The following ROBO2 variants were observed in gnomAD, a reference collection of about 807,000 sequenced individuals.
ROBO2 encodes the protein roundabout guidance receptor 2.
Under a neutral mutation model 160.8 loss-of-function variants are expected in ROBO2, and 53 were observed. The observed-to-expected ratio is 0.33, with a 90% CI of 0.26 to 0.41. ROBO2 has a LOEUF of 0.41. Among genes scored for constraint, ROBO2 ranks in the 10% least tolerant of loss-of-function variants. The pLI, the probability that ROBO2 is intolerant of heterozygous loss-of-function variation, is 1.00. For missense variants in ROBO2, 1,577 were observed against 1,722.4 expected (o/e 0.92, Z 1.49); for synonymous variants, 664 against 611.7 (o/e 1.09, Z -1.26).
At chr3:76,289,143 C>A (rs1054150094) in intron 2 of ROBO2, among the ~76,000 whole-genome samples, 4 of 152,176 alleles carry the variant, frequency 2.6e-5, no homozygotes, top group African/African-American at 4.8e-5. Flanking sequence ...TTGTCCACAA[C>A]CTCACCAGCA....
At chr3:76,412,795 C>T (rs915807378) in intron 2 of ROBO2, among the ~76,000 whole-genome samples, 6 of 152,214 alleles carry the variant, frequency 3.9e-5, no homozygotes, top group African/African-American at 1.4e-4. Context: ...CTTTTCCAGG[C>T]TCAGAGTGCA....
chr3:76,227,232 G>C (rs1307211955), intron 2 of ROBO2, among the ~76,000 whole-genome samples: 1 of 152,172 alleles, frequency 6.6e-6, no homozygotes, highest in Admixed American at 6.5e-5. Context: ...GCACATTGCT[G>C]GTCGGCCTGT....
chr3:75,974,911 G>T (rs562377724), intron 2 of ROBO2, among the ~76,000 whole-genome samples: 1 of 151,636 alleles, frequency 6.6e-6, no homozygotes, highest in East Asian at 2.0e-4. Context: ...TGTTTATACA[G>T]ATAGTATTTT....
chr3:76,929,552 T>C (rs554744565), intron 2 of ROBO2, among the ~76,000 whole-genome samples: 2 of 152,326 alleles, frequency 1.3e-5, no homozygotes, highest in East Asian at 3.9e-4. Flanking sequence ...CCAATTGTTC[T>C]CCCTGCTTCC....
intron 2 of ROBO2, among the ~76,000 whole-genome samples, chr3:76,496,758 C>G (rs1402851950): frequency 6.6e-6 from 1 of 152,138 alleles, no homozygotes; most frequent in Non-Finnish European, 1.5e-5. Flanking sequence ...AACCCCTACC[C>G]AAAATATCAG....
chr3:76,225,327 A>G (rs1243576783), intron 2 of ROBO2, among the ~76,000 whole-genome samples: 3 of 152,206 alleles, frequency 2.0e-5, no homozygotes, highest in Non-Finnish European at 2.9e-5. Context: ...ATTGCAAAAT[A>G]TGTGTGTATT....
intron 2 of ROBO2, among the ~76,000 whole-genome samples, chr3:76,450,390 T>A (rs2077415042): frequency 6.6e-6 from 1 of 152,330 alleles, no homozygotes; most frequent in Middle Eastern, 3.4e-3. Flanking sequence ...CCTCTTTTAA[T>A]CAAAACTTAT....
At chr3:76,746,778 G>A (rs2093899833) in intron 2 of ROBO2, among the ~76,000 whole-genome samples, 1 of 152,110 alleles carries the variant, frequency 6.6e-6, no homozygotes, top group Non-Finnish European at 1.5e-5. Context: ...GCATGCATTA[G>A]CTGTTTTTCC....
intron 2 of ROBO2, among the ~76,000 whole-genome samples, chr3:77,137,521 C>A (rs539344331): frequency 6.6e-6 from 1 of 152,232 alleles, no homozygotes; most frequent in Non-Finnish European, 1.5e-5. Flanking sequence ...CCAGGGCCCC[C>A]GGCCGTATAT....
intron 2 of ROBO2, among the ~76,000 whole-genome samples, chr3:77,104,833 A>G (rs2072561572): frequency 6.6e-6 from 1 of 152,182 alleles, no homozygotes; most frequent in Non-Finnish European, 1.5e-5. Context: ...AGAGTCAACT[A>G]TTTAAAAATA....
At chr3:76,698,660 T>C (rs1333708609) in intron 2 of ROBO2, among the ~76,000 whole-genome samples, 4 of 152,208 alleles carry the variant, frequency 2.6e-5, no homozygotes, top group Non-Finnish European at 4.4e-5. Flanking sequence ...ACATTTGTAT[T>C]ATAATCCTGG....
At chr3:75,992,223 T>C (rs137942745) in intron 2 of ROBO2, among the ~76,000 whole-genome samples, 2 of 152,162 alleles carry the variant, frequency 1.3e-5, no homozygotes, top group East Asian at 3.9e-4. Context: ...ATGAAAGGTC[T>C]TTGTGGTAGC....
chr3:77,594,712 C>T (rs1022098498), intron 17 of ROBO2, among the ~76,000 whole-genome samples: 1 of 152,096 alleles, frequency 6.6e-6, no homozygotes, highest in Non-Finnish European at 1.5e-5. Context: ...AACGACGTAA[C>T]ATGTTGGAAC....
At chr3:76,859,584 CCATTA>C (rs1391178995) in intron 2 of ROBO2, among the ~76,000 whole-genome samples, 1 of 152,170 alleles carries the variant, frequency 6.6e-6, no homozygotes, top group Non-Finnish European at 1.5e-5. Context: ...TCTGCCTCTC[CCATTA>C]CATTACATCT....
intron 2 of ROBO2, among the ~76,000 whole-genome samples, chr3:76,801,883 T>A (rs2064227587): frequency 1.3e-5 from 2 of 152,130 alleles, no homozygotes; most frequent in Non-Finnish European, 2.9e-5. Flanking sequence ...GAGTCCTTTG[T>A]AGGGTTATTA....
At chr3:76,715,779 G>A (rs1400170156) in intron 2 of ROBO2, among the ~76,000 whole-genome samples, 1 of 152,110 alleles carries the variant, frequency 6.6e-6, no homozygotes, top group African/African-American at 2.4e-5. Flanking sequence ...ACAAAGAGGG[G>A]AATATACACA....
At chr3:76,660,190 T>G (rs2110039628) in intron 2 of ROBO2, among the ~76,000 whole-genome samples, 1 of 152,308 alleles carries the variant, frequency 6.6e-6, no homozygotes, top group South Asian at 2.1e-4. Flanking sequence ...TGTCTTTGGA[T>G]TCACAATTTT....
intron 2 of ROBO2, among the ~76,000 whole-genome samples, chr3:76,440,140 A>T (rs531152936): frequency 6.6e-6 from 1 of 152,148 alleles, no homozygotes; most frequent in Non-Finnish European, 1.5e-5. Flanking sequence ...ATGTGAAATG[A>T]TGTGGGGGGA....
chr3:77,185,208 C>T (rs1033358537), intron 2 of ROBO2, among the ~76,000 whole-genome samples: 2 of 151,944 alleles, frequency 1.3e-5, no homozygotes, highest in African/African-American at 4.8e-5. Context: ...ATTTGGTGAT[C>T]TGCTGTTGGA....
Sources: allele counts gnomAD v4.1 joint callset (sites outside exome capture counted in the v4.1 genomes callset), GRCh38; gene constraint gnomAD v4.1.1; transcripts MANE v1.5; gene names NCBI Gene and HGNC (gene_info 2026-07-23, HGNC 2026-07-21).